Variants in DGKI observed in about 807,000 individuals in gnomAD.
The protein encoded by DGKI is diacylglycerol kinase iota, also known as DAG kinase iota.
A neutral mutation model predicts 147.5 loss-of-function variants in DGKI; 55 were observed. The ratio of observed to expected loss-of-function variants is 0.37; its 90% CI spans 0.30 to 0.47. The LOEUF is 0.47. Among genes scored for constraint, DGKI ranks in the 20% least tolerant of loss-of-function variants. The probability of loss-of-function intolerance (pLI) is 1.00; values close to 1 mark genes in which losing one functional copy is unlikely to be tolerated. For missense variants in DGKI, 1,007 were observed against 1,323.8 expected, an observed-to-expected ratio of 0.76 and a Z score of 3.71; for synonymous variants, 469 against 477.1, an observed-to-expected ratio of 0.98 and a Z score of 0.22.
At chr7:137,426,354 G>A (rs1265793843) in intron 28 of DGKI, among the ~76,000 whole-genome samples, 2 of 152,128 alleles carry the variant, frequency 1.3e-5, no homozygotes, top group African/African-American at 4.8e-5. Flanking sequence ...AATGCTGAGA[G>A]ATTTTGTCAC....
intron 1 of DGKI, among the ~76,000 whole-genome samples, chr7:137,734,361 C>CT (rs1416349164): frequency 1.3e-5 from 2 of 152,038 alleles, no homozygotes; most frequent in African/African-American, 4.8e-5. Flanking sequence ...TGCCCCAAAG[C>CT]TTAGTGACTA....
At chr7:137,515,781 A>G (rs1163885501) in intron 21 of DGKI, among the ~76,000 whole-genome samples, 2 of 152,130 alleles carry the variant, frequency 1.3e-5, no homozygotes, top group African/African-American at 4.8e-5. Context: ...ATATATGTAA[A>G]AAAGGCATTT....
intron 19 of DGKI, among the ~76,000 whole-genome samples, chr7:137,559,293 G>A (rs1272700146): frequency 2.0e-5 from 3 of 150,500 alleles, no homozygotes; most frequent in Non-Finnish European, 3.0e-5. Flanking sequence ...GGATGGTCTC[G>A]ATCTCCTGAC....
intron 1 of DGKI, among the ~76,000 whole-genome samples, chr7:137,696,599 G>A (rs905025890): frequency 2.6e-5 from 4 of 151,808 alleles, no homozygotes; most frequent in Admixed American, 1.3e-4. Flanking sequence ...GCTTGGCGTG[G>A]GATGTGGCAA....
chr7:137,391,661 G>A (rs1811370426), intron 32 of DGKI, among the ~76,000 whole-genome samples: 1 of 152,166 alleles, frequency 6.6e-6, no homozygotes, highest in Non-Finnish European at 1.5e-5. Flanking sequence ...AAACAGTGGG[G>A]TAAAGCGAGT....
At chr7:137,491,139 C>A (rs1224667168) in intron 21 of DGKI, among the ~76,000 whole-genome samples, 1 of 152,112 alleles carries the variant, frequency 6.6e-6, no homozygotes, top group East Asian at 1.9e-4. Flanking sequence ...ATTTCTACTG[C>A]AAAACCCTCA....
chr7:137,562,290 C>A (rs1224347504), intron 19 of DGKI, among the ~76,000 whole-genome samples: 1 of 152,212 alleles, frequency 6.6e-6, no homozygotes, highest in South Asian at 2.1e-4. Context: ...AATCCCAACA[C>A]TTTGGGAGGC....
rs111591226 is a variant in DGKI at position 137,626,322 on chromosome 7, G to GACACAC, written c.805-2774_805-2769dup. On this transcript the variant is annotated intron_variant, in intron 6 of 32. Coordinates refer to ENST00000614521, the MANE Select transcript of DGKI (RefSeq NM_001321708.2). ...TCCCAAGAAGAAAAAAAGTGCTTCT[G>GACACAC]ACACACACACACACACACACACACA... Among the ~76,000 whole-genome samples, 783 of 139,124 alleles carry GACACAC rather than the reference G, an allele frequency of 5.6e-3. 6 individuals carry two copies. Among genetic ancestry groups the GACACAC allele is most frequent in the African/African-American group, 0.011 (431 of 37,812 alleles). 91.3% of individuals were successfully genotyped at this position (139,124 alleles called of 152,430 possible). A position where few individuals can be genotyped will look rare whatever the true frequency, so the allele number is the denominator to read the frequency against.
intron 27 of DGKI, among the ~76,000 whole-genome samples, chr7:137,458,281 T>C (rs1814282483): frequency 1.3e-5 from 2 of 152,168 alleles, no homozygotes; most frequent in East Asian, 1.9e-4. Context: ...TAAAAACCCA[T>C]TAGCCTTGTG....
intron 21 of DGKI, among the ~76,000 whole-genome samples, chr7:137,488,564 C>T (rs764863265): frequency 1.2e-4 from 19 of 152,170 alleles, no homozygotes; most frequent in South Asian, 4.1e-4. Flanking sequence ...TACAATTACA[C>T]GATTAAATCC....
intron 1 of DGKI, among the ~76,000 whole-genome samples, chr7:137,822,555 C>A (rs1422380010): frequency 1.3e-5 from 2 of 152,108 alleles, no homozygotes; most frequent in East Asian, 3.9e-4. Context: ...CAGGACCCCA[C>A]GGTGAAGCAT....
chr7:137,443,097 T>C (rs1813574372), intron 28 of DGKI, among the ~76,000 whole-genome samples: 1 of 152,132 alleles, frequency 6.6e-6, no homozygotes, highest in African/African-American at 2.4e-5. Flanking sequence ...GTCACATGGC[T>C]GGAAAACAGA....
chr7:137,639,302 G>A (rs1295785321), intron 6 of DGKI, among the ~76,000 whole-genome samples: 2 of 152,270 alleles, frequency 1.3e-5, no homozygotes, highest in Middle Eastern at 3.4e-3. Context: ...CAAAAAGGAG[G>A]GTAAATATGT....
chr7:137,653,454 A>G (rs1162840108), intron 5 of DGKI, among the ~76,000 whole-genome samples: 2 of 152,222 alleles, frequency 1.3e-5, no homozygotes, highest in African/African-American at 4.8e-5. Flanking sequence ...AACTTGCAGC[A>G]TGGCTTACAA....
rs181988006 is a variant in DGKI, at chr7:137,448,427, G to T, written c.2736-4325C>A. 9.8e-4 allele frequency among the ~76,000 whole-genome samples: 145 copies of T among 147,716 alleles called. 2 individuals are homozygous for T. Among genetic ancestry groups the T allele is most frequent in the Middle Eastern group, 3.5e-3 (1 of 282 alleles). Reference sequence around the variant, plus strand: ...ACACAGGCAAAGAACACACTAAAAAGATGATGGCATAAAGCAGATAAAAAT... The same window carrying T: ...ACACAGGCAAAGAACACACTAAAAATATGATGGCATAAAGCAGATAAAAAT... On this transcript the variant is annotated intron_variant, in intron 27 of 32. Transcript: ENST00000614521.
intron 29 of DGKI, among the ~76,000 whole-genome samples, chr7:137,408,336 C>T (rs1255542521): frequency 6.6e-6 from 1 of 152,184 alleles, no homozygotes; most frequent in Non-Finnish European, 1.5e-5. Context: ...AAAAGCATCT[C>T]TATGTTGGCT....
intron 6 of DGKI, among the ~76,000 whole-genome samples, chr7:137,631,343 C>T (rs1035692384): frequency 2.6e-5 from 4 of 152,150 alleles, no homozygotes; most frequent in East Asian, 3.9e-4. Flanking sequence ...GTAATATATG[C>T]CTTAGAGGGA....
At chr7:137,499,227 AG>A (rs1314723767) in intron 21 of DGKI, among the ~76,000 whole-genome samples, 2 of 152,208 alleles carry the variant, frequency 1.3e-5, no homozygotes, top group Admixed American at 1.3e-4. Flanking sequence ...TTATCCCAGT[AG>A]AACAGTGAGG....
At chr7:137,792,915 T>C (rs1028254842) in intron 1 of DGKI, among the ~76,000 whole-genome samples, 6 of 152,156 alleles carry the variant, frequency 3.9e-5, no homozygotes, top group African/African-American at 4.8e-5. Context: ...CAAATAAACT[T>C]CTTTTCATTT....
Sources: allele counts gnomAD v4.1 joint callset (sites outside exome capture counted in the v4.1 genomes callset), GRCh38; gene constraint gnomAD v4.1.1; transcripts MANE v1.5; gene names NCBI Gene and HGNC (gene_info 2026-07-23, HGNC 2026-07-21).